SLC9A9: variants seen among roughly 807,000 people sequenced by gnomAD.
SLC9A9 encodes the protein sodium/hydrogen exchanger 9.
A neutral mutation model predicts 77.8 loss-of-function variants in SLC9A9; 62 were observed. The ratio of observed to expected loss-of-function variants is 0.80; its 90% confidence interval spans 0.65 to 0.98. SLC9A9 has a LOEUF of 0.98. Ranked by LOEUF, SLC9A9 falls within the 50% of genes least tolerant of loss-of-function variation. SLC9A9 has a pLI of 0.00. For synonymous variants in SLC9A9, 320 were observed against 283.5 expected, an observed-to-expected ratio of 1.13 and a Z score of -1.29; for missense variants, 775 against 774.9, an observed-to-expected ratio of 1.00 and a Z score of 0.00.
intron 14 of SLC9A9, among the ~76,000 whole-genome samples, chr3:143,317,809 G>A (rs1043254944): frequency 6.6e-6 from 1 of 152,068 alleles, no homozygotes; most frequent in African/African-American, 2.4e-5. Flanking sequence ...CTCACTGCAA[G>A]CTCTGCCTCC....
intron 4 of SLC9A9, among the ~76,000 whole-genome samples, chr3:143,759,940 G>A (rs1181347934): frequency 1.3e-5 from 2 of 152,062 alleles, no homozygotes; most frequent in Admixed American, 6.6e-5. Flanking sequence ...CCCACTGAAA[G>A]TTGGATCTCC....
intron 13 of SLC9A9, among the ~76,000 whole-genome samples, chr3:143,375,925 G>C (rs745315192): frequency 6.6e-6 from 1 of 151,958 alleles, no homozygotes; most frequent in Non-Finnish European, 1.5e-5. Flanking sequence ...CCTGCCTCAG[G>C]GCCCTTGTCT....
chr3:143,669,643 T>C (rs1022382175), intron 5 of SLC9A9, among the ~76,000 whole-genome samples: 3 of 152,196 alleles, frequency 2.0e-5, no homozygotes, highest in Middle Eastern at 3.2e-3. Flanking sequence ...GACCTTGCTA[T>C]TTACAACTCT....
At chr3:143,539,763 TA>T (rs1391407895) in intron 9 of SLC9A9, among the ~76,000 whole-genome samples, 1 of 152,160 alleles carries the variant, frequency 6.6e-6, no homozygotes, top group East Asian at 1.9e-4. Context: ...TCCATTCATA[TA>T]AAATTTTCCA....
intron 6 of SLC9A9, among the ~76,000 whole-genome samples, chr3:143,627,855 G>T (rs1163401229): frequency 1.3e-5 from 2 of 152,146 alleles, no homozygotes; most frequent in Non-Finnish European, 2.9e-5. Context: ...CTGTGAATGA[G>T]ACCAACACAA....
At chr3:143,574,296 G>T in intron 7 of SLC9A9, 103 bp from the exon 8 acceptor site, 1 of 938,642 alleles carries the variant, frequency 1.1e-6, no homozygotes, top group Non-Finnish European at 1.7e-6. Flanking sequence ...CTAGAGCAAA[G>T]TAAAAGAACT....
intron 4 of SLC9A9, among the ~76,000 whole-genome samples, chr3:143,762,497 G>A (rs2007166426): frequency 6.6e-6 from 1 of 152,154 alleles, no homozygotes; most frequent in Non-Finnish European, 1.5e-5. Flanking sequence ...CCTGATGGAA[G>A]ATTAACTTCT....
rs543840933 is a variant in SLC9A9 at position 143,350,827 on chromosome 3, C to T, written c.1604+12657G>A. 3.9e-5 allele frequency among the ~76,000 whole-genome samples: 6 copies of T among 152,310 alleles called. No individual in the cohort carries two copies. The South Asian group carries it at 8.3e-4, about 21-fold the overall frequency. On this transcript the variant is annotated intron_variant, in intron 14 of 15. Transcript: ENST00000316549. ...AAACTCATTGCTCTGTCCACAGCTC[C>T]GTGTTGCTTCTCTCTCCCCGTAATC... is the stretch of plus-strand genomic sequence containing the variant.
At position 143,716,420 on chromosome 3, in the gene SLC9A9, GT is replaced by G. The variant is rs1934355278; in HGVS notation, c.534-23114del. The stretch of plus-strand genomic sequence containing the variant: ...TTTTTTAAGGAAAATCACATACTTA[GT>G]TTCTTATTAAATTTTATCAGTTAAT... On this transcript the variant is annotated intron_variant, in intron 4 of 15. Transcript: ENST00000316549. 5.3e-5 allele frequency among the ~76,000 whole-genome samples: 8 copies of G among 151,588 alleles called. No individual in the cohort carries two copies. In the South Asian group the frequency reaches 1.7e-3, roughly 32 times the overall value.
chr3:143,798,752 A>G (rs113282958), intron 2 of SLC9A9, among the ~76,000 whole-genome samples: 38,352 of 152,028 alleles, frequency 0.25, 5,417 homozygotes, highest in African/African-American at 0.36. Context: ...GGTGCATGAC[A>G]TCCAGGCACT....
At chr3:143,537,998 G>A (rs2036621363) in intron 9 of SLC9A9, among the ~76,000 whole-genome samples, 1 of 152,114 alleles carries the variant, frequency 6.6e-6, no homozygotes, top group Non-Finnish European at 1.5e-5. Flanking sequence ...CCCAATTATG[G>A]ATGAAATCCA....
At chr3:143,379,195 A>G (rs932367414) in intron 13 of SLC9A9, among the ~76,000 whole-genome samples, 5 of 152,206 alleles carry the variant, frequency 3.3e-5, no homozygotes, top group African/African-American at 1.2e-4. Context: ...ATGCAAACCC[A>G]GTTTAATAAA....
chr3:143,630,118 A>AG (rs373174026), intron 6 of SLC9A9, among the ~76,000 whole-genome samples: 1 of 152,110 alleles, frequency 6.6e-6, no homozygotes, highest in Admixed American at 6.6e-5. Context: ...AGAAAAAAAA[A>AG]CTGACAGACA....
chr3:143,453,910 G>C (rs1015409294), intron 12 of SLC9A9, among the ~76,000 whole-genome samples: 1 of 152,128 alleles, frequency 6.6e-6, no homozygotes, highest in African/African-American at 2.4e-5. Flanking sequence ...GACATTGGGT[G>C]CCCATATGAA....
Position 143,363,045 on chromosome 3 carries a change from A to G in SLC9A9, c.1604+439T>C, listed in dbSNP as rs1466146494. On this transcript the variant is annotated intron_variant, in intron 14 of 15. Coordinates refer to ENST00000316549, the MANE Select transcript of SLC9A9 (RefSeq NM_173653.4). Reference sequence around the variant, plus strand: ...CACCCCTTCATTTTTTACAGCATGAAACAAAAACACACAAATGGGTTCCTG... The same window carrying G: ...CACCCCTTCATTTTTTACAGCATGAGACAAAAACACACAAATGGGTTCCTG... Among the ~76,000 whole-genome samples, 3 of 152,280 alleles carry G rather than the reference A, an allele frequency of 2.0e-5. No homozygotes were observed. In the East Asian group the frequency reaches 5.8e-4, roughly 29 times the overall value.
chr3:143,762,658 G>A (rs1343574894), intron 4 of SLC9A9, among the ~76,000 whole-genome samples: 1 of 152,150 alleles, frequency 6.6e-6, no homozygotes, highest in East Asian at 1.9e-4. Context: ...GCTTGCCAGA[G>A]CAATTGATAC....
intron 9 of SLC9A9, among the ~76,000 whole-genome samples, chr3:143,542,803 TTATC>T (rs1160751059): frequency 1.3e-5 from 2 of 152,212 alleles, no homozygotes; most frequent in African/African-American, 4.8e-5. Flanking sequence ...CAGAAAGAAT[TTATC>T]TAGCTCCTAA....
chr3:143,316,006 A>G (rs2031197821), intron 14 of SLC9A9, among the ~76,000 whole-genome samples: 1 of 152,208 alleles, frequency 6.6e-6, no homozygotes, highest in Non-Finnish European at 1.5e-5. Context: ...AGTTACATCT[A>G]TAAGGTTCTG....
chr3:143,502,726 G>C (rs1400189143), intron 9 of SLC9A9, among the ~76,000 whole-genome samples: 1 of 152,058 alleles, frequency 6.6e-6, no homozygotes, highest in African/African-American at 2.4e-5. Flanking sequence ...GTCTATGAAA[G>C]GCACTGAAAT....
Sources: allele counts gnomAD v4.1 joint callset (sites outside exome capture counted in the v4.1 genomes callset), GRCh38; gene constraint gnomAD v4.1.1; transcripts MANE v1.5; gene names NCBI Gene and HGNC (gene_info 2026-07-23, HGNC 2026-07-21).